The following PREP variants were observed in gnomAD, a reference collection of about 807,000 sequenced individuals.
The protein encoded by PREP is dJ355L5.1 (prolyl endopeptidase).
A neutral mutation model predicts 87.6 loss-of-function variants in PREP; 29 were observed. That is an observed-to-expected ratio of 0.33 (90% CI 0.25 to 0.45). The LOEUF is 0.45. Among genes scored for constraint, PREP ranks in the 20% least tolerant of loss-of-function variants. The probability of loss-of-function intolerance (pLI) is 1.00; values close to 1 mark genes in which losing one functional copy is unlikely to be tolerated. For missense variants in PREP, 695 were observed against 886.5 expected, an observed-to-expected ratio of 0.78 and a Z score of 2.74; for synonymous variants, 337 against 328.6, an observed-to-expected ratio of 1.03 and a Z score of -0.28.
At chr6:105,397,690 C>T (rs1451431088) in intron 2 of PREP, among the ~76,000 whole-genome samples, 163 bp downstream of exon 2, 1 of 152,100 alleles carries the variant, frequency 6.6e-6, no homozygotes, top group Non-Finnish European at 1.5e-5. Context: ...TGTCTTTTTC[C>T]CATAAATTAT....
In PREP at chr6:105,322,450, G is replaced by C. The variant is rs139859823; in HGVS notation, c.1317+1215C>G. On this transcript the variant is annotated intron_variant, in intron 10 of 14. Coordinates refer to ENST00000652536, the MANE Select transcript of PREP (RefSeq NM_002726.5). ...AAGGTTAAATGACTTGCCCCACGTGGATTTCAGGCCTGTCTGACAGAGCTT... is the reference window on the plus strand; with the variant it reads ...AAGGTTAAATGACTTGCCCCACGTGCATTTCAGGCCTGTCTGACAGAGCTT... 2.3e-4 allele frequency: 224 copies of C among 985,202 alleles called. 2 individuals carry two copies. The East Asian group carries it at 0.02, about 88-fold the overall frequency. The allele number at this position is 985,202 out of a possible 1,614,324, so 61.0% of individuals were successfully genotyped here.
At chr6:105,350,522 G>C (rs1562211200) in intron 7 of PREP, among the ~76,000 whole-genome samples, 1 of 152,104 alleles carries the variant, frequency 6.6e-6, no homozygotes, top group Non-Finnish European at 1.5e-5. Context: ...TGAATCTGCT[G>C]TGTCTCCCCT....
At chr6:105,402,462 A>C (rs1400926937) in intron 1 of PREP, among the ~76,000 whole-genome samples, 1 of 151,606 alleles carries the variant, frequency 6.6e-6, no homozygotes, top group Non-Finnish European at 1.5e-5. Flanking sequence ...ACACACACAC[A>C]CCCCAGCGGA....
At chr6:105,302,869 C>T (rs72946047) in intron 10 of PREP, 8 of 307,414 alleles carry the variant, frequency 2.6e-5, no homozygotes, top group Non-Finnish European at 4.5e-5. Context: ...GCTAAATACT[C>T]TCTTTTTGAC....
rs1769911496 is a variant in PREP, at chr6:105,275,294, A to G, written c.*2850T>C. ...TGACAGGCTTCCTTAGTTGAAACTTATCCTTTTCAAACTTGTAGCACCATG... is the reference window on the plus strand; with the variant it reads ...TGACAGGCTTCCTTAGTTGAAACTTGTCCTTTTCAAACTTGTAGCACCATG... On this transcript the variant is annotated 3_prime_UTR_variant, in exon 15 of 15. Transcript: ENST00000652536. Among the ~76,000 whole-genome samples, 1 of 152,202 alleles carries G rather than the reference A, an allele frequency of 6.6e-6. No homozygotes were observed. Among genetic ancestry groups the G allele is most frequent in the Non-Finnish European group, 1.5e-5 (1 of 68,036 alleles).
intron 9 of PREP, among the ~76,000 whole-genome samples, chr6:105,327,912 G>GA (rs71748560): frequency 0.14 from 20,894 of 151,580 alleles, 1,492 homozygotes; most frequent in South Asian, 0.21. Flanking sequence ...CAGAATGGAG[G>GA]AAAAAAACAA....
chr6:105,354,950 G>A (rs1345792006), intron 6 of PREP, among the ~76,000 whole-genome samples: 1 of 152,072 alleles, frequency 6.6e-6, no homozygotes, highest in African/African-American at 2.4e-5. Context: ...AGGTACATCA[G>A]TAAACAAATC....
intron 6 of PREP, among the ~76,000 whole-genome samples, chr6:105,367,889 CA>C (rs1335505684): frequency 3.3e-5 from 5 of 152,016 alleles, no homozygotes; most frequent in Non-Finnish European, 7.4e-5. Context: ...GGTTGTGCCA[CA>C]AAAAAACTCC....
intron 6 of PREP, among the ~76,000 whole-genome samples, chr6:105,358,356 C>T (rs1401728164): frequency 6.6e-6 from 1 of 152,126 alleles, no homozygotes; most frequent in Non-Finnish European, 1.5e-5. Flanking sequence ...TGACAGTCTA[C>T]TTCTGCAAAG....
chr6:105,300,856 GA>G (rs972664592), intron 10 of PREP, among the ~76,000 whole-genome samples: 3 of 151,960 alleles, frequency 2.0e-5, no homozygotes, highest in Non-Finnish European at 4.4e-5. Flanking sequence ...TTCCTTTAAA[GA>G]AAAAAGAGAA....
In PREP at chr6:105,277,987, A is replaced by C. The variant is rs1251784927; in HGVS notation, c.*157T>G. On this transcript the variant is annotated 3_prime_UTR_variant, in exon 15 of 15. Transcript: ENST00000652536. ...CCTTGCTAAAAAGGAGAAGCCTAAA[A>C]AAGATAAAATTCCCACGGCAGTTCT... 6.6e-6 allele frequency: 7 copies of C among 1,066,456 alleles called. No individual in the cohort carries two copies. Among genetic ancestry groups the C allele is most frequent in the Admixed American group, 4.7e-5 (2 of 42,528 alleles). 66.1% of individuals were successfully genotyped at this position (1,066,456 alleles called of 1,614,324 possible).
rs1157995664 is a variant in PREP, at chr6:105,350,537, T to C, written c.823+2435A>G. 2.6e-5 allele frequency among the ~76,000 whole-genome samples: 4 copies of C among 152,208 alleles called. No homozygotes were observed. The East Asian group carries it at 7.7e-4, about 29-fold the overall frequency. On this transcript the variant is annotated intron_variant, in intron 7 of 14. Coordinates refer to ENST00000652536, the MANE Select transcript of PREP (RefSeq NM_002726.5). The stretch of plus-strand genomic sequence containing the variant: ...TGAATCTGCTGTGTCTCCCCTTTTA[T>C]AGACTAAATTTACTTAATCTTTTCA...
intron 10 of PREP, among the ~76,000 whole-genome samples, chr6:105,304,594 G>A (rs981849752): frequency 1.3e-5 from 2 of 152,042 alleles, no homozygotes; most frequent in African/African-American, 2.4e-5. Context: ...ATGTGTCCCC[G>A]TTCTAGGCCT....
intron 7 of PREP, 135 bp downstream of exon 7, chr6:105,352,837 A>G: frequency 1.3e-6 from 1 of 789,614 alleles, no homozygotes; most frequent in Non-Finnish European, 2.0e-6. Flanking sequence ...TAGTACTAAA[A>G]GAAAAAAAAT....
chr6:105,281,699 C>CTT (rs1351119322), intron 14 of PREP, 47 bp downstream of exon 14: 42 of 1,588,702 alleles, frequency 2.6e-5, no homozygotes, highest in Non-Finnish European at 3.4e-5. Context: ...CTGTGTTCAA[C>CTT]TTTATATCAA....
chr6:105,379,969 C>T (rs1772793244), intron 2 of PREP, among the ~76,000 whole-genome samples: 1 of 152,194 alleles, frequency 6.6e-6, no homozygotes, highest in Non-Finnish European at 1.5e-5. Flanking sequence ...TGTTTGCTAC[C>T]AGCCCACAAT....
chr6:105,382,270 AACACACAC>A (rs146759488), intron 2 of PREP, among the ~76,000 whole-genome samples: 1,753 of 143,102 alleles, frequency 0.012, 35 homozygotes, highest in African/African-American at 0.04. Flanking sequence ...AAGCGTTCTC[AACACACAC>A]ACACACACAC....
intron 7 of PREP, among the ~76,000 whole-genome samples, chr6:105,350,674 G>GTCCC (rs1404309884): frequency 6.6e-6 from 1 of 152,128 alleles, no homozygotes; most frequent in Non-Finnish European, 1.5e-5. Context: ...CTCTAACCCT[G>GTCCC]TCCCGCACCA....
At chr6:105,350,364 A>G (rs370797725) in intron 7 of PREP, among the ~76,000 whole-genome samples, 2 of 152,306 alleles carry the variant, frequency 1.3e-5, no homozygotes, top group South Asian at 4.1e-4. Flanking sequence ...GGGAGAGAAA[A>G]AAAAAACTTT....
Sources: gnomAD v4.1 joint callset for allele counts (sites outside exome capture counted in the v4.1 genomes callset) on GRCh38, gnomAD v4.1.1 for gene constraint, MANE v1.5 for transcripts, NCBI Gene and HGNC (gene_info 2026-07-23, HGNC 2026-07-21) for gene names.